Variants in CDC42SE2 observed in about 807,000 individuals in gnomAD.
CDC42SE2 encodes CDC42 small effector 2.
In CDC42SE2, 3 loss-of-function variants were observed where a neutral mutation model predicts 11.5. The observed-to-expected ratio is 0.26, with a 90% CI of 0.12 to 0.67. The LOEUF (loss-of-function observed/expected upper bound fraction) is 0.67, where lower values mean the gene tolerates loss of function less well. Among genes scored for constraint, CDC42SE2 ranks in the 30% least tolerant of loss-of-function variants. The probability of loss-of-function intolerance (pLI) is 0.80; values close to 1 mark genes in which losing one functional copy is unlikely to be tolerated. For synonymous variants in CDC42SE2, 33 were observed against 34.8 expected (o/e 0.95, Z 0.18); for missense variants, 82 against 106.8 (o/e 0.77, Z 1.02).
At chr5:131,361,882 G>A (rs1008451690) in intron 3 of CDC42SE2, among the ~76,000 whole-genome samples, 7 of 152,074 alleles carry the variant, frequency 4.6e-5, no homozygotes, top group African/African-American at 1.4e-4. Context: ...TTGTGCAGGC[G>A]TGTTCCCTCG....
upstream of CDC42SE2, chr5:131,245,420 G>T (rs2149681744): frequency 6.6e-6 from 1 of 151,978 alleles, no homozygotes; most frequent in African/African-American, 2.4e-5. Flanking sequence ...TACCAAGATT[G>T]TACATTGAAA....
At chr5:131,316,699 G>A (rs1449214825) in intron 2 of CDC42SE2, among the ~76,000 whole-genome samples, 1 of 152,208 alleles carries the variant, frequency 6.6e-6, no homozygotes, top group Non-Finnish European at 1.5e-5. Context: ...CATCTTTTTA[G>A]TAGCCTGAAG....
At chr5:131,289,748 T>G (rs1212343879) in intron 1 of CDC42SE2, among the ~76,000 whole-genome samples, 1 of 152,200 alleles carries the variant, frequency 6.6e-6, no homozygotes, top group East Asian at 1.9e-4. Flanking sequence ...ATGAGACTTT[T>G]CCCCAGTCTC....
chr5:131,216,985 T>C, the CDC42SE2 span, among the ~76,000 whole-genome samples: 65 of 152,166 alleles, frequency 4.3e-4, no homozygotes, highest in East Asian at 7.7e-4. Flanking sequence ...ATCAATTCCA[T>C]TGAATAATCA....
intron 2 of CDC42SE2, among the ~76,000 whole-genome samples, chr5:131,322,671 G>C (rs554150184): frequency 1.3e-5 from 2 of 152,198 alleles, no homozygotes; most frequent in South Asian, 4.1e-4. Flanking sequence ...ATATTCCATT[G>C]TATGTTTGTT....
rs1409558343 is a variant in CDC42SE2, at chr5:131,347,397, A to T, written c.-285-11812A>T. 2.6e-5 allele frequency among the ~76,000 whole-genome samples: 4 copies of T among 152,330 alleles called. No homozygotes were observed. In the East Asian group the frequency reaches 7.7e-4, roughly 29 times the overall value. The stretch of plus-strand genomic sequence containing the variant: ...TCTATGCAAATAAACTAGAAAATCT[A>T]GAAGAAATGGATAAATTACTCGACA... On this transcript the variant is annotated intron_variant, in intron 2 of 4. Coordinates refer to ENST00000505065, the MANE Select transcript of CDC42SE2 (RefSeq NM_001375635.1).
At chr5:131,315,141 G>A (rs561000774) in intron 1 of CDC42SE2, among the ~76,000 whole-genome samples, 1 of 152,152 alleles carries the variant, frequency 6.6e-6, no homozygotes, top group South Asian at 2.1e-4. Flanking sequence ...AGTGTATCTA[G>A]TATTGTCAAT....
chr5:131,230,017 C>A, the CDC42SE2 span, among the ~76,000 whole-genome samples: 2 of 152,170 alleles, frequency 1.3e-5, no homozygotes, highest in Non-Finnish European at 2.9e-5. Context: ...ACCATGTTTT[C>A]TTTGAATATC....
the CDC42SE2 span, among the ~76,000 whole-genome samples, chr5:131,216,583 A>G: frequency 2.6e-5 from 4 of 152,054 alleles, no homozygotes; most frequent in East Asian, 1.9e-4. Context: ...ATTGACAGAA[A>G]GAGGCCATTG....
At chr5:131,266,523 G>A (rs1284273718) in intron 1 of CDC42SE2, among the ~76,000 whole-genome samples, 3 of 145,810 alleles carry the variant, frequency 2.1e-5, no homozygotes, top group Non-Finnish European at 3.0e-5. Flanking sequence ...GCAGCGGTGT[G>A]ATCTCGGCTT....
intron 3 of CDC42SE2, among the ~76,000 whole-genome samples, chr5:131,372,660 C>G (rs1426244156): frequency 1.3e-5 from 2 of 151,864 alleles, no homozygotes; most frequent in Non-Finnish European, 2.9e-5. Context: ...TTGCAGTGAG[C>G]CGAGATCACG....
At chr5:131,358,030 T>G (rs798415) in intron 2 of CDC42SE2, among the ~76,000 whole-genome samples, 34,345 of 152,128 alleles carry the variant, frequency 0.23, 4,308 homozygotes, top group East Asian at 0.49. Context: ...CCAAACCTCC[T>G]TAGTAGACTT....
chr5:131,302,293 C>T (rs1477646800), intron 1 of CDC42SE2, among the ~76,000 whole-genome samples: 1 of 152,170 alleles, frequency 6.6e-6, no homozygotes, highest in East Asian at 1.9e-4. Flanking sequence ...GATTCTCCTG[C>T]CTCAGCCTCC....
chr5:131,298,698 C>T (rs182009280), intron 1 of CDC42SE2, among the ~76,000 whole-genome samples: 14 of 152,118 alleles, frequency 9.2e-5, no homozygotes, highest in Non-Finnish European at 1.9e-4. Context: ...TACCCCATAA[C>T]AAGTTGGCTT....
chr5:131,279,246 A>C (rs1580728066), intron 1 of CDC42SE2, among the ~76,000 whole-genome samples: 1 of 152,306 alleles, frequency 6.6e-6, no homozygotes, highest in East Asian at 1.9e-4. Context: ...CATTTATTGC[A>C]TAAAATGTGC....
chr5:131,237,508 T>C, the CDC42SE2 span, among the ~76,000 whole-genome samples: 1 of 152,236 alleles, frequency 6.6e-6, no homozygotes, highest in Non-Finnish European at 1.5e-5. Flanking sequence ...AGTTTCTTTC[T>C]TTTTTAGGAA....
At chr5:131,360,686 T>C (rs1749681528) in intron 3 of CDC42SE2, among the ~76,000 whole-genome samples, 1 of 152,220 alleles carries the variant, frequency 6.6e-6, no homozygotes, top group Admixed American at 6.5e-5. Context: ...ACATGATTGA[T>C]TGTTGGCTGG....
rs149414477 is a variant in CDC42SE2, at chr5:131,278,713, T to C, written c.-455+14547T>C. On this transcript the variant is annotated intron_variant, in intron 1 of 4. Coordinates refer to ENST00000505065, the MANE Select transcript of CDC42SE2 (RefSeq NM_001375635.1). Reference sequence around the variant, plus strand: ...TATTGGCAGTTCCTTTCCTTTCCTCTCCCCTCCCCTCCCCCCTCCCCTCCC... The same window carrying C: ...TATTGGCAGTTCCTTTCCTTTCCTCCCCCCTCCCCTCCCCCCTCCCCTCCC... Among the ~76,000 whole-genome samples, 213 of 32,088 alleles carry C rather than the reference T, an allele frequency of 6.6e-3. 3 individuals carry two copies. Among genetic ancestry groups the C allele is most frequent in the African/African-American group, 0.021 (150 of 7,266 alleles). 21.1% of individuals were successfully genotyped at this position (32,088 alleles called of 152,430 possible).
At chr5:131,294,828 C>G (rs1757533534) in intron 1 of CDC42SE2, among the ~76,000 whole-genome samples, 1 of 151,988 alleles carries the variant, frequency 6.6e-6, no homozygotes, top group South Asian at 2.1e-4. Flanking sequence ...TCCGTCTCTA[C>G]TAAAAATAGA....
Sources: gnomAD v4.1 joint callset for allele counts (sites outside exome capture counted in the v4.1 genomes callset) on GRCh38, gnomAD v4.1.1 for gene constraint, MANE v1.5 for transcripts, NCBI Gene and HGNC (gene_info 2026-07-23, HGNC 2026-07-21) for gene names.